DLG2: variants seen among roughly 807,000 people sequenced by gnomAD.
DLG2 encodes the protein disks large homolog 2.
DLG2 carries 45 observed loss-of-function variants against 132.5 expected under a neutral mutation model. The observed-to-expected ratio is 0.34, with a 90% CI of 0.27 to 0.44. The LOEUF is 0.44. DLG2 is among the 20% of genes least tolerant of loss of function. The pLI is 1.00. For synonymous variants in DLG2, 424 were observed against 419.6 expected (o/e 1.01, Z -0.13); for missense variants, 1,045 against 1,196.9 (o/e 0.87, Z 1.87).
At chr11:85,375,300 A>C (rs2085318931) in intron 3 of DLG2, among the ~76,000 whole-genome samples, 1 of 152,186 alleles carries the variant, frequency 6.6e-6, no homozygotes, top group South Asian at 2.1e-4. Flanking sequence ...AACTTTTGAA[A>C]GTTCAATACA....
chr11:83,819,493 GAAGAAAAGAAA>G (rs57203084), intron 17 of DLG2, among the ~76,000 whole-genome samples: 3,752 of 104,406 alleles, frequency 0.036, 572 homozygotes, highest in Middle Eastern at 0.11. Flanking sequence ...AAAAAAAAAA[GAAGAAAAGAAA>G]AAGAAAAGAA....
At chr11:84,472,867 A>T (rs945716563) in intron 7 of DLG2, among the ~76,000 whole-genome samples, 2 of 151,986 alleles carry the variant, frequency 1.3e-5, no homozygotes, top group Non-Finnish European at 2.9e-5. Flanking sequence ...TTATCACTTA[A>T]TTTTTTCACA....
chr11:85,360,928 G>A (rs1257818956), intron 3 of DLG2, among the ~76,000 whole-genome samples: 4 of 152,228 alleles, frequency 2.6e-5, no homozygotes, highest in Admixed American at 2.0e-4. Flanking sequence ...AATAATAGTA[G>A]TAATAGCAAA....
chr11:84,475,415 G>A (rs1053193253), intron 7 of DLG2, among the ~76,000 whole-genome samples: 8 of 152,044 alleles, frequency 5.3e-5, no homozygotes, highest in African/African-American at 1.9e-4. Context: ...CCATATCTCT[G>A]GAAGGCTTTC....
intron 6 of DLG2, among the ~76,000 whole-genome samples, chr11:84,540,434 A>G (rs1343247552): frequency 2.0e-5 from 3 of 152,186 alleles, no homozygotes; most frequent in Non-Finnish European, 4.4e-5. Context: ...CAACAGACAC[A>G]TGAAAAAATG....
intron 6 of DLG2, among the ~76,000 whole-genome samples, chr11:84,972,187 A>G (rs1177915521): frequency 6.6e-6 from 1 of 152,180 alleles, no homozygotes; most frequent in Non-Finnish European, 1.5e-5. Context: ...CCCTTATGTT[A>G]TTAAGTGAAC....
chr11:83,870,788 C>T (rs906488938), intron 16 of DLG2, among the ~76,000 whole-genome samples: 1 of 152,198 alleles, frequency 6.6e-6, no homozygotes, highest in Admixed American at 6.5e-5. Flanking sequence ...ACTACCCTAA[C>T]GTCTCTGAGT....
At chr11:83,684,163 G>A (rs955783113) in intron 18 of DLG2, among the ~76,000 whole-genome samples, 61 of 151,986 alleles carry the variant, frequency 4.0e-4, no homozygotes, top group Admixed American at 2.0e-3. Context: ...TGTCTTGAAC[G>A]TTCCACTGCT....
At chr11:83,846,940 CCAAAAAA>C (rs2058738489) in intron 16 of DLG2, among the ~76,000 whole-genome samples, 3 of 58,162 alleles carry the variant, frequency 5.2e-5, no homozygotes, top group Non-Finnish European at 7.6e-5. Context: ...ATCTCCCAAG[CCAAAAAA>C]AAAAAAAAAA....
chr11:83,735,776 A>G (rs2091815129), intron 18 of DLG2, among the ~76,000 whole-genome samples: 2 of 152,232 alleles, frequency 1.3e-5, no homozygotes, highest in African/African-American at 4.8e-5. Flanking sequence ...GAGACATAAG[A>G]TGGTTCACCC....
At chr11:83,803,364 T>C (rs2045031721) in intron 17 of DLG2, among the ~76,000 whole-genome samples, 1 of 152,096 alleles carries the variant, frequency 6.6e-6, no homozygotes, top group African/African-American at 2.4e-5. Context: ...TTGGCATTAA[T>C]TGTAGAAGGC....
chr11:83,468,644 T>A (rs182021454), intron 25 of DLG2, among the ~76,000 whole-genome samples: 1 of 152,188 alleles, frequency 6.6e-6, no homozygotes, highest in African/African-American at 2.4e-5. Flanking sequence ...TGTAGGCAGA[T>A]TGTGTAGCCA....
chr11:85,069,123 C>A (rs1042707005), intron 6 of DLG2, among the ~76,000 whole-genome samples: 1 of 151,516 alleles, frequency 6.6e-6, no homozygotes, highest in Admixed American at 6.6e-5. Flanking sequence ...AACTGGATCC[C>A]CTCCTTACAC....
At chr11:84,978,149 C>CTTCCAGAGAAATCATTTAGAAAGAT (rs1331041148) in intron 6 of DLG2, among the ~76,000 whole-genome samples, 1 of 152,096 alleles carries the variant, frequency 6.6e-6, no homozygotes, top group African/African-American at 2.4e-5. Flanking sequence ...TCCTAAAGGA[C>CTTCCAGAGAAATCATTTAGAAAGAT]TTCCAGAGAA....
chr11:85,213,119 T>G (rs1285050956), intron 4 of DLG2, among the ~76,000 whole-genome samples: 1 of 152,160 alleles, frequency 6.6e-6, no homozygotes, highest in South Asian at 2.1e-4. Flanking sequence ...GTAGAAACAT[T>G]AGAATTTGCC....
chr11:84,560,899 C>A (rs766327682), intron 6 of DLG2, among the ~76,000 whole-genome samples: 1 of 152,048 alleles, frequency 6.6e-6, no homozygotes, highest in Non-Finnish European at 1.5e-5. Context: ...TTTTAAATAA[C>A]TCCTTCAACA....
chr11:85,412,746 CACACACACACACACATAT>C (rs1239616670), intron 3 of DLG2, among the ~76,000 whole-genome samples: 2 of 132,866 alleles, frequency 1.5e-5, no homozygotes, highest in Non-Finnish European at 3.2e-5. Context: ...CACACACACA[CACACACACACACACATAT>C]ATATATATAT....
At chr11:84,736,584 T>A (rs761955325) in intron 6 of DLG2, among the ~76,000 whole-genome samples, 2 of 151,984 alleles carry the variant, frequency 1.3e-5, no homozygotes, top group Non-Finnish European at 2.9e-5. Context: ...ATTCTATAAT[T>A]TCCAATGTAC....
At position 84,163,511 on chromosome 11, in the gene DLG2, C is replaced by T; in HGVS notation, c.574G>A (p.Val192Ile). The T allele has an allele frequency of 6.2e-7, 1 of 1,602,868 alleles. No individual in the cohort carries two copies. The highest frequency in any genetic ancestry group is 8.5e-7 in the Non-Finnish European group (1 of 1,175,742). The stretch of plus-strand genomic sequence containing the variant: ...TCATATTCAATTTCTGTCCCATTGA[C>T]CTGTAAATAGGGAAAAAATAAGAAG... The part of the protein sequence containing the change: ...NTDTLDTIPY[V>I]NGTEIEYEFE... Residue 192 changes from valine to isoleucine, a missense_variant and splice_region_variant, in exon 9 of 28, where the codon GTC becomes ATC. By Grantham distance (29) the Val-to-Ile change is conservative. Coordinates refer to ENST00000376104, the MANE Select transcript of DLG2 (RefSeq NM_001142699.3).
Sources: allele counts gnomAD v4.1 joint callset (sites outside exome capture counted in the v4.1 genomes callset), GRCh38; gene constraint gnomAD v4.1.1; transcripts MANE v1.5; gene names NCBI Gene and HGNC (gene_info 2026-07-23, HGNC 2026-07-21).